KIAA2012: variants seen among roughly 807,000 people sequenced by gnomAD.
KIAA2012 encodes the protein uncharacterized protein KIAA2012.
KIAA2012 carries 125 observed loss-of-function variants against 150.6 expected under a neutral mutation model. The ratio of observed to expected loss-of-function variants is 0.83; its 90% CI spans 0.72 to 0.96. KIAA2012 has a LOEUF of 0.96. KIAA2012 is among the 40% of genes least tolerant of loss of function. KIAA2012 has a pLI of 0.00. For synonymous variants in KIAA2012, 462 were observed against 504.7 expected, an observed-to-expected ratio of 0.92 and a Z score of 1.13; for missense variants, 1,219 against 1,354.9, an observed-to-expected ratio of 0.90 and a Z score of 1.57.
intron 15 of KIAA2012, among the ~76,000 whole-genome samples, chr2:202,180,969 G>A (rs1417230195): frequency 6.6e-6 from 1 of 152,112 alleles, no homozygotes; most frequent in Admixed American, 6.5e-5. Context: ...ATACTGTGCT[G>A]CAATTAAAAA....
At chr2:202,074,387 C>A (rs143165239) in intron 1 of KIAA2012, among the ~76,000 whole-genome samples, 317 of 152,246 alleles carry the variant, frequency 2.1e-3, no homozygotes, top group African/African-American at 6.0e-3. Flanking sequence ...ATGGCATTTT[C>A]TTACCTACAA....
chr2:202,073,544 C>A lies in KIAA2012; in HGVS notation c.-84C>A. On this transcript the variant is annotated 5_prime_UTR_variant, in exon 1 of 24. Transcript: ENST00000498697. ...GTGGTCTTCTTGGGCTTGCTGTGAG[C>A]TCTGGAAATCTTGAGGTGTGACCAG... is the stretch of plus-strand genomic sequence containing the variant. 1 of 1,206,594 alleles carries A rather than the reference C, an allele frequency of 8.3e-7. No individual in the cohort carries two copies. Among genetic ancestry groups the A allele is most frequent in the Non-Finnish European group, 1.2e-6 (1 of 846,744 alleles). The allele number at this position is 1,206,594 out of a possible 1,614,324, so 74.7% of individuals were successfully genotyped here. A position where few individuals can be genotyped will look rare whatever the true frequency, so the allele number is the denominator to read the frequency against.
chr2:202,163,104 C>CT (rs11435434), intron 14 of KIAA2012, among the ~76,000 whole-genome samples: 126,761 of 130,294 alleles, frequency 0.97, 61,722 homozygotes, highest in East Asian at 0.99. Flanking sequence ...CATGTATATT[C>CT]TTTTTTTTTT....
intron 22 of KIAA2012, chr2:202,201,411 CCCATGAAGAAGTTCCCCTT>C: frequency 6.3e-7 from 1 of 1,589,946 alleles, no homozygotes; most frequent in African/African-American, 1.3e-5. Flanking sequence ...ATCTGATTCA[CCCATGAAGAAGTTCCCCTT>C]CCACTGAGTT....
intron 21 of KIAA2012, among the ~76,000 whole-genome samples, chr2:202,196,435 TCCGC>T (rs1692416880): frequency 1.3e-5 from 2 of 152,006 alleles, no homozygotes; most frequent in African/African-American, 4.8e-5. Context: ...GACCTCGTGA[TCCGC>T]CCGCCTCGGC....
chr2:202,189,803 A>G (rs1692293719), intron 18 of KIAA2012, among the ~76,000 whole-genome samples: 1 of 152,076 alleles, frequency 6.6e-6, no homozygotes, highest in Non-Finnish European at 1.5e-5. Flanking sequence ...AAAAGTTACT[A>G]AAAAGGGGCC....
intron 12 of KIAA2012, among the ~76,000 whole-genome samples, chr2:202,132,091 G>A (rs1250375150): frequency 2.0e-5 from 3 of 152,066 alleles, no homozygotes; most frequent in Admixed American, 6.6e-5. Flanking sequence ...CAGGAGAATC[G>A]CTTGAACCCA....
chr2:202,194,714 G>C (rs1030741205), intron 21 of KIAA2012, among the ~76,000 whole-genome samples: 1 of 152,118 alleles, frequency 6.6e-6, no homozygotes, highest in Non-Finnish European at 1.5e-5. Context: ...AGGTGCTGAT[G>C]TGTGGAATCT....
chr2:202,156,115 G>C (rs1314637413), intron 14 of KIAA2012, among the ~76,000 whole-genome samples: 1 of 152,028 alleles, frequency 6.6e-6, no homozygotes, highest in East Asian at 1.9e-4. Context: ...GATCGCTTGA[G>C]TCCAGCAGTT....
chr2:202,198,887 C>A (rs548142149), intron 22 of KIAA2012, among the ~76,000 whole-genome samples: 18 of 152,264 alleles, frequency 1.2e-4, no homozygotes, highest in African/African-American at 4.3e-4. Flanking sequence ...GTCTACTAAC[C>A]TTGAGTTCTT....
chr2:202,122,937 A>AC (rs1027719881), intron 11 of KIAA2012, among the ~76,000 whole-genome samples: 5 of 152,148 alleles, frequency 3.3e-5, no homozygotes, highest in African/African-American at 1.2e-4. Context: ...CCACAGCAGC[A>AC]CCCACAGGGC....
intron 13 of KIAA2012, among the ~76,000 whole-genome samples, chr2:202,154,304 G>T (rs181159904): frequency 1.4e-4 from 21 of 152,314 alleles, no homozygotes; most frequent in Admixed American, 1.2e-3. Flanking sequence ...GGTAATTTTA[G>T]CTCTGCCATA....
At chr2:202,106,881 C>G (rs1433635161) in intron 9 of KIAA2012, among the ~76,000 whole-genome samples, 1 of 152,096 alleles carries the variant, frequency 6.6e-6, no homozygotes, top group African/African-American at 2.4e-5. Flanking sequence ...GCCTCCTTTC[C>G]AAAGGGCACG....
At chr2:202,145,267 TC>T (rs1288091903) in intron 13 of KIAA2012, among the ~76,000 whole-genome samples, 1 of 152,182 alleles carries the variant, frequency 6.6e-6, no homozygotes, top group Admixed American at 6.5e-5. Flanking sequence ...CTTCTCTCTC[TC>T]CCCACCCCTC....
At position 202,194,277 on chromosome 2, in the gene KIAA2012, G is replaced by A; in HGVS notation, c.3102G>A (p.Glu1034=). The A allele has an allele frequency of 6.4e-7, 1 of 1,550,624 alleles. No homozygotes were observed. Among genetic ancestry groups the A allele is most frequent in the Non-Finnish European group, 8.7e-7 (1 of 1,147,012 alleles). The change falls in exon 21 of 24, where the codon GAG becomes GAA. Residue 1034 remains glutamate (E), a synonymous_variant. Coordinates refer to ENST00000498697, the MANE Select transcript of KIAA2012 (RefSeq NM_001277372.4). Reference sequence around the variant, plus strand: ...AGCTCCGGTTGAAAGCAGCCCAGGAGAGAGCCCGGCAACAGCAAGAGGAGT... The same window carrying A: ...AGCTCCGGTTGAAAGCAGCCCAGGAAAGAGCCCGGCAACAGCAAGAGGAGT... ...KQQLRLKAAQ[E]RARQQQEEFR...
chr2:202,146,578 G>A (rs1691305858), intron 13 of KIAA2012, among the ~76,000 whole-genome samples: 1 of 143,234 alleles, frequency 7.0e-6, no homozygotes, highest in Non-Finnish European at 1.5e-5. Context: ...GTTGCAGTAA[G>A]CTGAGATTGC....
intron 22 of KIAA2012, chr2:202,197,911 T>A (rs1182439504): frequency 6.8e-6 from 1 of 147,404 alleles, no homozygotes; most frequent in African/African-American, 2.5e-5. Context: ...CAGTGGCTCA[T>A]GCCTGTAATC....
rs150666689 is a variant in KIAA2012 at position 202,165,462 on chromosome 2, C to T, written c.2119+106C>T. The stretch of plus-strand genomic sequence containing the variant: ...GGAGGCCAGGCACGGTGGCTCACGC[C>T]TGTAGTCCCAGCACTTTGTGAGGCC... On this transcript the variant is annotated intron_variant, in intron 15 of 23. Coordinates refer to ENST00000498697, the MANE Select transcript of KIAA2012 (RefSeq NM_001277372.4). The T allele has an allele frequency of 0.01, 11,272 of 1,119,046 alleles. 856 individuals carry two copies. The African/African-American group carries it at 0.16, about 16-fold the overall frequency. The allele number at this position is 1,119,046 out of a possible 1,614,324, so 69.3% of individuals were successfully genotyped here. A position where few individuals can be genotyped will look rare whatever the true frequency, so the allele number is the denominator to read the frequency against.
chr2:202,143,375 C>T (rs937401745), intron 13 of KIAA2012, among the ~76,000 whole-genome samples: 17 of 151,654 alleles, frequency 1.1e-4, no homozygotes, highest in Admixed American at 8.5e-4. Context: ...CGTGAGCCAC[C>T]GTGCCCAGCC....
Sources: allele counts gnomAD v4.1 joint callset (sites outside exome capture counted in the v4.1 genomes callset), GRCh38; gene constraint gnomAD v4.1.1; transcripts MANE v1.5; gene names NCBI Gene and HGNC (gene_info 2026-07-23, HGNC 2026-07-21).